Variants in RRM2 observed in about 807,000 individuals in gnomAD.
RRM2 encodes ribonucleotide reductase regulatory subunit M2.
A neutral mutation model predicts 45.9 loss-of-function variants in RRM2; 6 were observed. The observed-to-expected ratio is 0.13, with a 90% confidence interval of 0.07 to 0.26. The LOEUF (loss-of-function observed/expected upper bound fraction) is 0.26. RRM2 is among the 10% of genes least tolerant of loss of function. The probability of loss-of-function intolerance (pLI) is 1.00; values close to 1 mark genes in which losing one functional copy is unlikely to be tolerated. For missense variants in RRM2, 343 were observed against 489.5 expected, an observed-to-expected ratio of 0.70 and a Z score of 2.82; for synonymous variants, 177 against 173.0, an observed-to-expected ratio of 1.02 and a Z score of -0.18.
At chr2:10,132,690 A>C (rs1213373709), downstream of RRM2, among the ~76,000 whole-genome samples, 1 of 152,220 alleles carries the variant, frequency 6.6e-6, no homozygotes, top group Non-Finnish European at 1.5e-5. Flanking sequence ...GTCCCAGAGG[A>C]ACCTAGTAGA....
intron 3 of RRM2, among the ~76,000 whole-genome samples, chr2:10,163,844 G>A (rs1663623144): frequency 6.6e-6 from 1 of 152,226 alleles, no homozygotes; most frequent in Non-Finnish European, 1.5e-5. Context: ...GCAAACCTCA[G>A]CCTTGCCTCT....
At chr2:10,162,433 T>C (rs1663582092) in intron 3 of RRM2, among the ~76,000 whole-genome samples, 2 of 152,102 alleles carry the variant, frequency 1.3e-5, no homozygotes, top group Admixed American at 6.5e-5. Context: ...TGCCATTTCT[T>C]GGCTGTGTGA....
intron 3 of RRM2, among the ~76,000 whole-genome samples, chr2:10,194,237 G>A (rs1219118246): frequency 1.3e-5 from 2 of 152,208 alleles, no homozygotes; most frequent in South Asian, 2.1e-4. Context: ...GCCAGCTTCC[G>A]GGCTCAGTCG....
intron 3 of RRM2, among the ~76,000 whole-genome samples, chr2:10,187,259 C>T (rs1295208728): frequency 1.3e-5 from 2 of 152,220 alleles, no homozygotes; most frequent in East Asian, 1.9e-4. Flanking sequence ...GTTAATTGTC[C>T]TTCTGGATAG....
intron 3 of RRM2, chr2:10,142,401 G>A (rs1663103594): frequency 2.9e-6 from 4 of 1,368,636 alleles, no homozygotes; most frequent in Non-Finnish European, 2.9e-6. Flanking sequence ...AACTCGCACG[G>A]TGGGGGAAGA....
chr2:10,132,282 T>G (rs2125309278), downstream of RRM2, among the ~76,000 whole-genome samples: 1 of 152,278 alleles, frequency 6.6e-6, no homozygotes, highest in African/African-American at 2.4e-5. Flanking sequence ...GGGAGGCCCC[T>G]CCCTCTGGAG....
intron 3 of RRM2, among the ~76,000 whole-genome samples, chr2:10,182,376 C>A (rs199905397): frequency 3.5e-5 from 5 of 143,714 alleles, no homozygotes; most frequent in East Asian, 2.7e-4. Flanking sequence ...CAAAAAAAAA[C>A]CCAAAAAAAA....
chr2:10,139,397 T>A (rs1032300348), upstream of RRM2, among the ~76,000 whole-genome samples: 1 of 152,232 alleles, frequency 6.6e-6, no homozygotes, highest in Non-Finnish European at 1.5e-5. Context: ...GAGAGAAGTT[T>A]GATTTACATT....
At chr2:10,145,074 A>AG (rs1436796141) in intron 3 of RRM2, among the ~76,000 whole-genome samples, 1 of 151,720 alleles carries the variant, frequency 6.6e-6, no homozygotes, top group Non-Finnish European at 1.5e-5. Flanking sequence ...AAGCTGCGGG[A>AG]GGGAAAGGAG....
chr2:10,132,363 G>C (rs762640332), downstream of RRM2, among the ~76,000 whole-genome samples: 4 of 152,284 alleles, frequency 2.6e-5, no homozygotes, highest in South Asian at 2.1e-4. Context: ...GGTGGGGGCA[G>C]CAGAGAATTC....
chr2:10,125,491 G>A (rs1293544430), intron 5 of RRM2, among the ~76,000 whole-genome samples: 1 of 152,160 alleles, frequency 6.6e-6, no homozygotes, highest in Non-Finnish European at 1.5e-5. Context: ...GGACAATGAG[G>A]TCAGGAGATC....
At chr2:10,191,224 T>C (rs1214770512) in intron 3 of RRM2, among the ~76,000 whole-genome samples, 1 of 152,062 alleles carries the variant, frequency 6.6e-6, no homozygotes, top group Non-Finnish European at 1.5e-5. Context: ...CCCCTAGGGG[T>C]TGGCTGTCAG....
rs988554531 is a variant in RRM2, at chr2:10,166,947, C to T, written n.482+24572C>T. Among the ~76,000 whole-genome samples the T allele has an allele frequency of 2.6e-5, 4 of 152,252 alleles. No homozygotes were observed. In the South Asian group the frequency reaches 6.2e-4, roughly 24 times the overall value. ...CTGTTAGGAAACAAGTGTGTCTGTA[C>T]GTGCCACTTATGATGGGGACAGGCC... On this transcript the variant is annotated intron_variant and non_coding_transcript_variant, in intron 3 of 3. Transcript: ENST00000381786.
intron 3 of RRM2, chr2:10,199,054 A>G (rs1572533142): frequency 6.6e-6 from 1 of 152,110 alleles, no homozygotes; most frequent in African/African-American, 2.4e-5. Context: ...CAGACCCTAT[A>G]GTTATAAAAG....
chr2:10,132,472 G>A (rs1034236356), downstream of RRM2, among the ~76,000 whole-genome samples: 1 of 152,070 alleles, frequency 6.6e-6, no homozygotes, highest in Non-Finnish European at 1.5e-5. Flanking sequence ...TGCTGCTTCC[G>A]ACTCCTGTGT....
Position 10,204,808 on chromosome 2 carries a change from C to T in RRM2, n.483-5503C>T, listed in dbSNP as rs981089744. On this transcript the variant is annotated intron_variant and non_coding_transcript_variant, in intron 3 of 3. Transcript: ENST00000381786. This position sits in a 1 kb window ranked among gnomAD's most constrained non-coding sequence, Gnocchi z 4.0. The stretch of plus-strand genomic sequence containing the variant: ...CCTTTTCCTCTTCCAAGATGGGTGG[C>T]ACTGAACGCCGAGGCCACGGCCCGT... Among the ~76,000 whole-genome samples, 3 of 152,254 alleles carry T rather than the reference C, an allele frequency of 2.0e-5. No homozygotes were observed. Among genetic ancestry groups the T allele is most frequent in the Non-Finnish European group, 4.4e-5 (3 of 68,054 alleles).
At chr2:10,161,990 C>T (rs907093807) in intron 3 of RRM2, among the ~76,000 whole-genome samples, 1 of 152,230 alleles carries the variant, frequency 6.6e-6, no homozygotes, top group African/African-American at 2.4e-5. Flanking sequence ...GAGGACAGAG[C>T]GCAGCCACTG....
In RRM2 at chr2:10,182,346, AAAAC is replaced by A. The variant is rs1163998210; in HGVS notation, n.483-27945_483-27942del. 7.1e-4 allele frequency among the ~76,000 whole-genome samples: 108 copies of A among 151,442 alleles called. 5 individuals carry two copies. The South Asian group carries it at 0.02, about 28-fold the overall frequency. On this transcript the variant is annotated intron_variant and non_coding_transcript_variant, in intron 3 of 3. Transcript: ENST00000381786. Reference sequence around the variant, plus strand: ...GGACGACAGAGGAAGACTCTGTCTCAAAACAAACAAACAAACAAACAAAAAAAAA... The same window carrying A: ...GGACGACAGAGGAAGACTCTGTCTCAAAACAAACAAACAAACAAAAAAAAA...
At chr2:10,122,716 G>A, upstream of RRM2, 6 of 1,551,196 alleles carry the variant, frequency 3.9e-6, no homozygotes, top group Non-Finnish European at 5.2e-6. Context: ...AGATTTAAAG[G>A]CTGCTGGAGT....
Sources: allele counts gnomAD v4.1 joint callset (sites outside exome capture counted in the v4.1 genomes callset), GRCh38; gene constraint gnomAD v4.1.1; non-coding constraint Gnocchi (gnomAD v3.1); transcripts MANE v1.5; gene names NCBI Gene and HGNC (gene_info 2026-07-23, HGNC 2026-07-21).